The following TTC39A variants were observed in gnomAD, a reference collection of about 807,000 sequenced individuals.
The protein encoded by TTC39A is tetratricopeptide repeat domain 39A.
Under a neutral mutation model 82.3 loss-of-function variants are expected in TTC39A, and 46 were observed. The observed-to-expected ratio is 0.56, with a 90% CI of 0.44 to 0.71. The LOEUF is 0.71. Ranked by LOEUF, TTC39A falls within the 30% of genes least tolerant of loss-of-function variation. The pLI is 0.00. For synonymous variants in TTC39A, 254 were observed against 275.2 expected (o/e 0.92, Z 0.76); for missense variants, 543 against 712.9 (o/e 0.76, Z 2.71).
intron 5 of TTC39A, among the ~76,000 whole-genome samples, chr1:51,311,000 A>T (rs1227068328): frequency 6.6e-6 from 1 of 152,252 alleles, no homozygotes; most frequent in Admixed American, 6.5e-5. Flanking sequence ...GAAATGCAGC[A>T]GTCGCACAGT....
intron 14 of TTC39A, among the ~76,000 whole-genome samples, chr1:51,293,863 C>T (rs1473686082): frequency 2.0e-5 from 3 of 152,166 alleles, no homozygotes; most frequent in Admixed American, 6.5e-5. Context: ...CTTATTACCC[C>T]CATCTGTAAA....
rs764694879 is a variant in TTC39A at position 51,293,977 on chromosome 1, G to A, written c.1266+414C>T. ...TTGAATATAGCAAGTGCTCGATAAC[G>A]ATGTTGGCTATTATGTGAGTTCAGA... is the stretch of plus-strand genomic sequence containing the variant. On this transcript the variant is annotated intron_variant, in intron 14 of 17. Transcript: ENST00000680483. Among the ~76,000 whole-genome samples, 4 of 152,250 alleles carry A rather than the reference G, an allele frequency of 2.6e-5. No individual in the cohort carries two copies. The South Asian group carries it at 6.2e-4, about 24-fold the overall frequency.
intron 14 of TTC39A, among the ~76,000 whole-genome samples, chr1:51,293,136 C>T (rs1383428173): frequency 1.3e-5 from 2 of 150,424 alleles, no homozygotes; most frequent in East Asian, 2.0e-4. Flanking sequence ...GGCACGATCT[C>T]AGCTCACTGC....
In TTC39A at chr1:51,294,540, G is replaced by T; in HGVS notation, c.1146-29C>A. 6.2e-7 allele frequency: 1 copy of T among 1,613,248 alleles called. No individual in the cohort carries two copies. Reference sequence around the variant, plus strand: ...CGAAAGAGATGGGGAGGGTGGGAGAGGATGAAAAAGAGCAGGAGAGGGCAG... The same window carrying T: ...CGAAAGAGATGGGGAGGGTGGGAGATGATGAAAAAGAGCAGGAGAGGGCAG... On this transcript the variant is annotated intron_variant, in intron 13 of 17. Coordinates refer to ENST00000680483, the MANE Select transcript of TTC39A (RefSeq NM_001297663.2). This position sits in a 1 kb window ranked among gnomAD's most constrained non-coding sequence, Gnocchi z 4.3.
At chr1:51,344,996 G>A in exon 1 of TTC39A, 1 of 1,524,520 alleles carries the variant, frequency 6.6e-7, no homozygotes, top group Non-Finnish European at 8.8e-7. Context: ...GGTACCTGCG[G>A]TCGCTTTTCC....
chr1:51,330,227 C>T lies in TTC39A; in HGVS notation c.41+210G>A. ...GGGACCCAGAAGGTGAGTGACCGAC[C>T]CGGGGTCCCCGCGCCTCCGCCTCCT... On this transcript the variant is annotated intron_variant, in intron 1 of 17. Coordinates refer to ENST00000680483, the MANE Select transcript of TTC39A (RefSeq NM_001297663.2). This position sits in a 1 kb window ranked among gnomAD's most constrained non-coding sequence, Gnocchi z 4.5. 2 of 985,006 alleles carry T rather than the reference C, an allele frequency of 2.0e-6. No individual in the cohort carries two copies. The highest frequency in any genetic ancestry group is 2.4e-6 in the Non-Finnish European group (2 of 829,636). The allele number at this position is 985,006 out of a possible 1,614,324, so 61.0% of individuals were successfully genotyped here.
chr1:51,336,421 T>A (rs1224968928), intron 1 of TTC39A, among the ~76,000 whole-genome samples: 1 of 152,126 alleles, frequency 6.6e-6, no homozygotes, highest in Non-Finnish European at 1.5e-5. Context: ...TCATGGGCCC[T>A]CCCTGCTCTG....
chr1:51,327,745 G>A (rs1365600290), intron 1 of TTC39A, among the ~76,000 whole-genome samples: 1 of 148,078 alleles, frequency 6.8e-6, no homozygotes, highest in East Asian at 2.0e-4. Flanking sequence ...CGCCCAGGCT[G>A]GAGTGCAATG....
chr1:51,318,690 G>T (rs1267586695), intron 2 of TTC39A, among the ~76,000 whole-genome samples: 1 of 152,202 alleles, frequency 6.6e-6, no homozygotes, highest in Non-Finnish European at 1.5e-5. Context: ...AGAGTAGGTG[G>T]CAGAGATGAT....
intron 11 of TTC39A, 69 bp downstream of exon 11, chr1:51,302,288 G>A: frequency 7.4e-7 from 1 of 1,343,952 alleles, no homozygotes. Context: ...TGTCACATGT[G>A]CCTGACTTCC....
At chr1:51,313,326 C>T (rs1362612656) in intron 2 of TTC39A, among the ~76,000 whole-genome samples, 1 of 152,182 alleles carries the variant, frequency 6.6e-6, no homozygotes, top group Non-Finnish European at 1.5e-5. Context: ...CTCCTGCAGG[C>T]TGAGCCCAAG....
At position 51,301,750 on chromosome 1, in the gene TTC39A, GT is replaced by G; in HGVS notation, c.892-18del. On this transcript the variant is annotated intron_variant, in intron 11 of 17. Coordinates refer to ENST00000680483, the MANE Select transcript of TTC39A (RefSeq NM_001297663.2). ...CCGGATGGCCTGCAGGCACCTTCTG[GT>G]CAGCCTGACGGGTGCCCACCCAGCC... 6.3e-7 allele frequency: 1 copy of G among 1,596,610 alleles called. No homozygotes were observed. Among genetic ancestry groups the G allele is most frequent in the Non-Finnish European group, 8.5e-7 (1 of 1,169,640 alleles).
At chr1:51,314,505 C>T (rs1225024459) in intron 2 of TTC39A, among the ~76,000 whole-genome samples, 6 of 152,176 alleles carry the variant, frequency 3.9e-5, no homozygotes, top group Non-Finnish European at 8.8e-5. Context: ...TACCCCTTTT[C>T]CTGCTTTTCC....
chr1:51,315,067 CTCT>C (rs1461758426), intron 2 of TTC39A, among the ~76,000 whole-genome samples: 1 of 152,148 alleles, frequency 6.6e-6, no homozygotes, highest in African/African-American at 2.4e-5. Flanking sequence ...CCTTGTCTCT[CTCT>C]TCCTCTCCCA....
At chr1:51,331,863 G>A, upstream of TTC39A, 1 of 966,584 alleles carries the variant, frequency 1.0e-6, no homozygotes, top group South Asian at 4.8e-5. Context: ...TGACAGAACT[G>A]AGCCTTGAAG....
chr1:51,314,986 C>T (rs1393702251), intron 2 of TTC39A, among the ~76,000 whole-genome samples: 1 of 152,182 alleles, frequency 6.6e-6, no homozygotes, highest in Non-Finnish European at 1.5e-5. Flanking sequence ...CGAGGAGGGG[C>T]TTCCCTGGCA....
rs1314173165 is a variant in TTC39A at position 51,287,711 on chromosome 1, G to T, written c.*446C>A. 1.8e-5 allele frequency: 3 copies of T among 168,266 alleles called. No individual in the cohort carries two copies. Among genetic ancestry groups the T allele is most frequent in the Non-Finnish European group, 3.9e-5 (3 of 76,130 alleles). The allele number at this position is 168,266 out of a possible 1,614,324, so 10.4% of individuals were successfully genotyped here. Reference sequence around the variant, plus strand: ...AAGGACCTTCCGTCACACAAGCTGAGAACTTGCTGAATTTGAAAAGCAATT... The same window carrying T: ...AAGGACCTTCCGTCACACAAGCTGATAACTTGCTGAATTTGAAAAGCAATT... On this transcript the variant is annotated 3_prime_UTR_variant, in exon 18 of 18. Transcript: ENST00000680483.
At chr1:51,329,185 T>A (rs74080534) in intron 1 of TTC39A, among the ~76,000 whole-genome samples, 7,644 of 151,796 alleles carry the variant, frequency 0.05, 616 homozygotes, top group African/African-American at 0.17. Context: ...AGCCAGGGAG[T>A]CTAGACTTCT....
At chr1:51,306,999 C>T (rs934361609) in intron 6 of TTC39A, among the ~76,000 whole-genome samples, 10 of 152,034 alleles carry the variant, frequency 6.6e-5, no homozygotes, top group African/African-American at 2.2e-4. Flanking sequence ...ACAGAAAGCC[C>T]GGTGCAGAAA....
Sources: gnomAD v4.1 joint callset for allele counts (sites outside exome capture counted in the v4.1 genomes callset) on GRCh38, gnomAD v4.1.1 for gene constraint, Gnocchi (gnomAD v3.1) non-coding constraint, MANE v1.5 for transcripts, NCBI Gene and HGNC (gene_info 2026-07-23, HGNC 2026-07-21) for gene names.